Variants in DIRAS2 observed in about 807,000 individuals in gnomAD.
The protein encoded by DIRAS2 is GTP-binding protein Di-Ras2.
In DIRAS2, 5 loss-of-function variants were observed where a neutral mutation model predicts 13.9. The observed-to-expected ratio is 0.36, with a 90% confidence interval of 0.19 to 0.76. DIRAS2 has a LOEUF of 0.76. DIRAS2 is among the 30% of genes least tolerant of loss of function. DIRAS2 has a pLI of 0.53. For missense variants in DIRAS2, 191 were observed against 263.0 expected (o/e 0.73, Z 1.89); for synonymous variants, 111 against 105.4 (o/e 1.05, Z -0.33).
In DIRAS2 at chr9:90,613,540, C is replaced by T. The variant is rs764588420; in HGVS notation, c.288G>A (p.Glu96=). The change falls in exon 2 of 2, where the codon GAG becomes GAA. Residue 96 remains glutamate, a synonymous_variant. Transcript: ENST00000375765. This position sits in a 1 kb window ranked among gnomAD's most constrained non-coding sequence, Gnocchi z 5.6. ...AGATTTGTTCGTAGATGGGCTTGAGCTCCTCCAAGGACTGTCGGCTGGTAA... is the reference window on the plus strand; with the variant it reads ...AGATTTGTTCGTAGATGGGCTTGAGTTCCTCCAAGGACTGTCGGCTGGTAA... The part of the protein sequence containing the change: ...YSITSRQSLE[E]LKPIYEQICE... 3.7e-6 allele frequency: 6 copies of T among 1,614,058 alleles called. No homozygotes were observed.
intron 1 of DIRAS2, among the ~76,000 whole-genome samples, 191 bp from the exon 2 acceptor site, chr9:90,614,054 C>T (rs776689766): frequency 1.3e-5 from 2 of 152,198 alleles, no homozygotes; most frequent in South Asian, 2.1e-4. Context: ...CAGGGGCTCA[C>T]TGGAGCCCAT....
rs1825303091 is a variant in DIRAS2, at chr9:90,629,381, G to A, written c.-37+13371C>T. On this transcript the variant is annotated intron_variant, in intron 1 of 1. Transcript: ENST00000375765. The stretch of plus-strand genomic sequence containing the variant: ...AAAATGCTTAGAATCCTCTTTTGAG[G>A]TTTTCTATTAATAGTGAAAGGCAAA... 2.6e-5 allele frequency among the ~76,000 whole-genome samples: 4 copies of A among 151,968 alleles called. No individual in the cohort carries two copies. The South Asian group carries it at 8.3e-4, about 32-fold the overall frequency.
In DIRAS2 at chr9:90,613,291, G is replaced by A. The variant is rs1825133704; in HGVS notation, c.537C>T (p.Asp179=). The A allele has an allele frequency of 1.2e-6, 2 of 1,613,624 alleles. No homozygotes were observed. The highest frequency in any genetic ancestry group is 1.7e-5 in the Admixed American group (1 of 59,950). ...EKRRTVSLQI[D]GKKSKQQKRK... ...TTTTCTGCTGCTTGCTCTTTTTCCC[G>A]TCGATCTGGAGACTCACGGTCCTGC... The change falls in exon 2 of 2, where the codon GAC becomes GAT. Residue 179 remains aspartate (D), a synonymous_variant. Transcript: ENST00000375765. This position sits in a 1 kb window ranked among gnomAD's most constrained non-coding sequence, Gnocchi z 5.6.
intron 1 of DIRAS2, among the ~76,000 whole-genome samples, chr9:90,614,287 C>T (rs1006773960): frequency 6.7e-6 from 1 of 148,538 alleles, no homozygotes; most frequent in Admixed American, 6.7e-5. Flanking sequence ...ACTGAGTACC[C>T]AATATACTGG....
rs761318867 is a variant in DIRAS2, at chr9:90,613,663, G to A, written c.165C>T (p.Cys55=). 1 of 1,614,184 alleles carries A rather than the reference G, an allele frequency of 6.2e-7. No individual in the cohort carries two copies. The highest frequency in any genetic ancestry group is 1.7e-5 in the Admixed American group (1 of 60,018). The change falls in exon 2 of 2, where the codon TGC becomes TGT. Residue 55 remains cysteine, a synonymous_variant. Coordinates refer to ENST00000375765, the MANE Select transcript of DIRAS2 (RefSeq NM_017594.5). The surrounding 1 kb of genome is among the most constrained non-coding windows in gnomAD (Gnocchi z 5.6). ...CCGTCGTGTCGGTGATCTGCAATGT[G>A]CATATGCTCTTGTCACAGCTGATCA... ...RQVISCDKSI[C]TLQITDTTGS...
chr9:90,620,779 A>G (rs1825212907), intron 1 of DIRAS2, among the ~76,000 whole-genome samples: 1 of 151,990 alleles, frequency 6.6e-6, no homozygotes, highest in Non-Finnish European at 1.5e-5. Flanking sequence ...AGAGAAAACA[A>G]TACAAAAAAT....
intron 1 of DIRAS2, among the ~76,000 whole-genome samples, chr9:90,638,268 G>A (rs1307320181): frequency 6.6e-6 from 1 of 152,192 alleles, no homozygotes; most frequent in Non-Finnish European, 1.5e-5. Context: ...ACAAAAAAGA[G>A]AGGCACAAAG....
Position 90,610,418 on chromosome 9 carries a change from G to A in DIRAS2, c.*2810C>T, listed in dbSNP as rs1317250400. On this transcript the variant is annotated 3_prime_UTR_variant, in exon 2 of 2. Transcript: ENST00000375765. ...CTTGCTGCATTGTATGCATGCCCAT[G>A]GCTTGTCGCTGGATGGAGGAGGGGC... The A allele has an allele frequency of 1.3e-5, 5 of 398,810 alleles. No individual in the cohort carries two copies. In the East Asian group the frequency reaches 1.4e-4, roughly 11 times the overall value. The allele number at this position is 398,810 out of a possible 1,614,324, so 24.7% of individuals were successfully genotyped here. A position where few individuals can be genotyped will look rare whatever the true frequency, so the allele number is the denominator to read the frequency against.
chr9:90,633,184 G>A (rs972024986), intron 1 of DIRAS2, among the ~76,000 whole-genome samples: 13 of 152,216 alleles, frequency 8.5e-5, no homozygotes, highest in African/African-American at 3.1e-4. Context: ...TGGCTTCCCT[G>A]TCAAGTGGAC....
intron 1 of DIRAS2, among the ~76,000 whole-genome samples, chr9:90,626,640 C>T (rs1378470627): frequency 5.9e-5 from 9 of 152,054 alleles, no homozygotes; most frequent in African/African-American, 2.2e-4. Context: ...AAAGTGTTAG[C>T]AAAGATAGAG....
intron 1 of DIRAS2, among the ~76,000 whole-genome samples, chr9:90,616,628 C>A (rs902165017): frequency 2.1e-5 from 3 of 142,414 alleles, no homozygotes; most frequent in African/African-American, 5.3e-5. Context: ...AACTCACTAA[C>A]AAAAACCCAG....
intron 1 of DIRAS2, among the ~76,000 whole-genome samples, chr9:90,616,635 C>A (rs1825171859): frequency 6.7e-6 from 1 of 149,892 alleles, no homozygotes. Flanking sequence ...TAACAAAAAC[C>A]CAGACTGTAG....
chr9:90,621,459 C>T (rs777823050), intron 1 of DIRAS2, among the ~76,000 whole-genome samples: 2 of 151,914 alleles, frequency 1.3e-5, no homozygotes, highest in African/African-American at 4.8e-5. Context: ...ATTAAAGCTG[C>T]CCAGACCAAG....
chr9:90,627,613 G>A lies in DIRAS2; in HGVS notation c.-36-13750C>T, dbSNP rs148189534. On this transcript the variant is annotated intron_variant, in intron 1 of 1. Transcript: ENST00000375765. Reference sequence around the variant, plus strand: ...TTAGAGATGGATGGTGGTGATGGTTGCATAACAATGTGAATTTACTTACTG... The same window carrying A: ...TTAGAGATGGATGGTGGTGATGGTTACATAACAATGTGAATTTACTTACTG... Among the ~76,000 whole-genome samples, 948 of 152,256 alleles carry A rather than the reference G, an allele frequency of 6.2e-3. 4 individuals are homozygous for A. Among genetic ancestry groups the A allele is most frequent in the Middle Eastern group, 0.01 (3 of 294 alleles).
chr9:90,622,407 C>T (rs1825227967), intron 1 of DIRAS2, among the ~76,000 whole-genome samples: 1 of 151,652 alleles, frequency 6.6e-6, no homozygotes, highest in Admixed American at 6.6e-5. Flanking sequence ...TCAAACTTTG[C>T]TAATTGAAGA....
In DIRAS2 at chr9:90,613,326, G is replaced by A. The variant is rs75342924; in HGVS notation, c.502C>T (p.Leu168=). Reference sequence around the variant, plus strand: ...AGACTCACGGTCCTGCGCTTCTCCAGGTTGAGCAGCTCCTGGAAAAGCTCC... The same window carrying A: ...AGACTCACGGTCCTGCGCTTCTCCAAGTTGAGCAGCTCCTGGAAAAGCTCC... ...VKELFQELLN[L]EKRRTVSLQI... Residue 168 remains leucine, a synonymous_variant, in exon 2 of 2, where the codon CTG becomes TTG. Coordinates refer to ENST00000375765, the MANE Select transcript of DIRAS2 (RefSeq NM_017594.5). This position sits in a 1 kb window ranked among gnomAD's most constrained non-coding sequence, Gnocchi z 5.6. 3 of 1,613,890 alleles carry A rather than the reference G, an allele frequency of 1.9e-6. No homozygotes were observed. Among genetic ancestry groups the A allele is most frequent in the Admixed American group, 1.7e-5 (1 of 59,986 alleles).
intron 1 of DIRAS2, among the ~76,000 whole-genome samples, chr9:90,630,993 A>G (rs1825319719): frequency 6.6e-6 from 1 of 152,214 alleles, no homozygotes; most frequent in South Asian, 2.1e-4. Flanking sequence ...TTAAAAACTA[A>G]TTTTAAAGGC....
chr9:90,640,470 GA>G (rs1825409007), intron 1 of DIRAS2, among the ~76,000 whole-genome samples: 1 of 152,148 alleles, frequency 6.6e-6, no homozygotes, highest in South Asian at 2.1e-4. Flanking sequence ...AAATATGTAT[GA>G]ATTAGTAAAT....
chr9:90,613,317 G>A lies in DIRAS2; in HGVS notation c.511C>T (p.Arg171Cys), dbSNP rs747172290. The change falls in exon 2 of 2, where the codon CGC becomes TGC. Residue 171 changes from arginine to cysteine, a missense_variant. By Grantham distance (180) the Arg-to-Cys change is radical. Coordinates refer to ENST00000375765, the MANE Select transcript of DIRAS2 (RefSeq NM_017594.5). The surrounding 1 kb of genome is among the most constrained non-coding windows in gnomAD (Gnocchi z 5.6). ...TCGATCTGGAGACTCACGGTCCTGC[G>A]CTTCTCCAGGTTGAGCAGCTCCTGG... ...LFQELLNLEK[R>C]RTVSLQIDGK... 2.5e-6 allele frequency: 4 copies of A among 1,613,898 alleles called. No homozygotes were observed. Among genetic ancestry groups the A allele is most frequent in the African/African-American group, 1.3e-5 (1 of 74,924 alleles).
Sources: allele counts gnomAD v4.1 joint callset (sites outside exome capture counted in the v4.1 genomes callset), GRCh38; gene constraint gnomAD v4.1.1; non-coding constraint Gnocchi (gnomAD v3.1); transcripts MANE v1.5; gene names NCBI Gene and HGNC (gene_info 2026-07-23, HGNC 2026-07-21).